UTP20: variants seen among roughly 807,000 people sequenced by gnomAD.
UTP20 encodes the protein UTP20 small subunit processome component, also known as small subunit processome component 20 homolog.
UTP20 carries 164 observed loss-of-function variants against 329.5 expected under a neutral mutation model. The observed-to-expected ratio is 0.50, with a 90% CI of 0.44 to 0.57. UTP20 has a LOEUF of 0.57. Among genes scored for constraint, UTP20 ranks in the 20% least tolerant of loss-of-function variants. The pLI is 0.00. For synonymous variants in UTP20, 1,151 were observed against 1,159.3 expected (o/e 0.99, Z 0.14); for missense variants, 3,055 against 3,284.2 (o/e 0.93, Z 1.71).
At chr12:101,306,328 T>C (rs1872640617) in intron 16 of UTP20, among the ~76,000 whole-genome samples, 2 of 152,200 alleles carry the variant, frequency 1.3e-5, no homozygotes, top group African/African-American at 4.8e-5. Flanking sequence ...AACATAGTTT[T>C]TTTTTTTAAG....
At chr12:101,332,718 A>G (rs1045141737) in intron 27 of UTP20, among the ~76,000 whole-genome samples, 1 of 152,214 alleles carries the variant, frequency 6.6e-6, no homozygotes, top group Non-Finnish European at 1.5e-5. Flanking sequence ...ACTCAGTCAC[A>G]TCATCCTCTT....
chr12:101,326,144 A>G (rs1868543954), intron 25 of UTP20, among the ~76,000 whole-genome samples: 1 of 152,180 alleles, frequency 6.6e-6, no homozygotes, highest in East Asian at 1.9e-4. Flanking sequence ...GATTATATTA[A>G]CTTTTACCAG....
chr12:101,321,005 T>C (rs1178264716), intron 24 of UTP20, 68 bp downstream of exon 24: 1 of 1,367,948 alleles, frequency 7.3e-7, no homozygotes. Flanking sequence ...CCTAAGAGCC[T>C]CTTCTAGAAT....
rs771907975 is a variant in UTP20, at chr12:101,365,542, T to A, written c.6042T>A (p.Asn2014Lys). 6.2e-7 allele frequency: 1 copy of A among 1,613,364 alleles called. No homozygotes were observed. The highest frequency in any genetic ancestry group is 8.5e-7 in the Non-Finnish European group (1 of 1,179,788). The part of the protein sequence containing the change: ...LRRITVGLIV[N>K]QEMTAESILL... ...GAATCACAGTGGGATTAATTGTAAA[T>A]CAGGAAATGACAGCTGAATCCATTC... is the stretch of plus-strand genomic sequence containing the variant. The change falls in exon 46 of 62, where the codon AAT becomes AAA. Residue 2014 changes from asparagine to lysine, a missense_variant. By Grantham distance (94) the Asn-to-Lys change is moderately conservative. This residue lies in a region of UTP20 where 2,445 missense variants were observed against 2,575.5 expected (regional missense o/e 0.95). Coordinates refer to ENST00000261637, the MANE Select transcript of UTP20 (RefSeq NM_014503.3).
At position 101,381,211 on chromosome 12, in the gene UTP20, G is replaced by C; in HGVS notation, c.7656G>C (p.Gln2552His). Reference protein sequence around the residue: ...SKFLDQSLGEQVVKNLLFAAK... With the variant: ...SKFLDQSLGEHVVKNLLFAAK... ...TCTTGGATCAGTCTCTAGGAGAACA[G>C]GTAAGAATTGTAGTTCTCCCAGTTT... Residue 2552 changes from glutamine to histidine, a missense_variant and splice_region_variant, in exon 58 of 62, where the codon CAG becomes CAC. This residue lies in a region of UTP20 where 337 missense variants were observed against 345.5 expected (regional missense o/e 0.98). Coordinates refer to ENST00000261637, the MANE Select transcript of UTP20 (RefSeq NM_014503.3). 6.2e-7 allele frequency: 1 copy of C among 1,611,894 alleles called. No individual in the cohort carries two copies. Among genetic ancestry groups the C allele is most frequent in the Non-Finnish European group, 8.5e-7 (1 of 1,177,956 alleles).
chr12:101,318,596 C>T (rs886839605), intron 22 of UTP20, among the ~76,000 whole-genome samples: 20 of 151,888 alleles, frequency 1.3e-4, no homozygotes, highest in African/African-American at 3.9e-4. Context: ...TTTGGGAGGC[C>T]GAGGTGGGTG....
intron 40 of UTP20, among the ~76,000 whole-genome samples, chr12:101,354,233 GC>G (rs1869634889): frequency 7.4e-6 from 1 of 135,016 alleles, no homozygotes; most frequent in Non-Finnish European, 1.5e-5. Context: ...CTGTACTCCA[GC>G]CTGGGTGACA....
intron 8 of UTP20, chr12:101,291,491 G>C (rs1872150498): frequency 9.4e-6 from 2 of 211,872 alleles, no homozygotes; most frequent in South Asian, 3.2e-4. Context: ...GGTGAGCAAA[G>C]ATTGCGCCAT....
At chr12:101,293,066 T>C in intron 10 of UTP20, 102 bp from the exon 11 acceptor site, 1 of 1,170,786 alleles carries the variant, frequency 8.5e-7, no homozygotes, top group Non-Finnish European at 1.3e-6. Context: ...GACAGAGCAC[T>C]GAGTGAAGTG....
rs758085666 is a variant in UTP20 at position 101,371,116 on chromosome 12, C to A, written c.6746C>A (p.Ser2249Tyr). Reference protein sequence around the residue: ...PEIDEVMRKVSKLAVSAQSEP... With the variant: ...PEIDEVMRKVYKLAVSAQSEP... ...ATCGATGAGGTCATGCGGAAAGTAT[C>A]CAAGTTGGCAGTCTCTGCACAAAGC... The change falls in exon 51 of 62, where the codon TCC becomes TAC. Residue 2249 changes from serine to tyrosine, a missense_variant. Ser to Tyr is a moderately radical substitution (Grantham distance 144). This residue lies in a region of UTP20 where 273 missense variants were observed against 363.1 expected (regional missense o/e 0.75). Coordinates refer to ENST00000261637, the MANE Select transcript of UTP20 (RefSeq NM_014503.3). The A allele has an allele frequency of 6.2e-7, 1 of 1,614,120 alleles. No homozygotes were observed. The highest frequency in any genetic ancestry group is 1.1e-5 in the South Asian group (1 of 91,068).
intron 20 of UTP20, 22 bp from the exon 21 acceptor site, chr12:101,312,014 A>T: frequency 6.2e-7 from 1 of 1,613,776 alleles, no homozygotes; most frequent in Non-Finnish European, 8.5e-7. Context: ...TCTGGTGGTT[A>T]TGACAACTTT....
chr12:101,302,978 CT>C (rs760972755), intron 15 of UTP20, among the ~76,000 whole-genome samples: 3 of 151,278 alleles, frequency 2.0e-5, no homozygotes, highest in Admixed American at 6.6e-5. Flanking sequence ...AATCCAGTTT[CT>C]TTTTTTTTGT....
rs375874181 is a variant in UTP20, at chr12:101,280,207, G to T, written c.-76G>T. ...AATCGGAGAGTATAGCCTGTGAGCCGCTTTCCCCTCCTTACTGTCGGTTGC... is the reference window on the plus strand; with the variant it reads ...AATCGGAGAGTATAGCCTGTGAGCCTCTTTCCCCTCCTTACTGTCGGTTGC... On this transcript the variant is annotated 5_prime_UTR_variant, in exon 1 of 62. Transcript: ENST00000261637. The T allele has an allele frequency of 6.5e-7, 1 of 1,533,544 alleles. No homozygotes were observed. Among genetic ancestry groups the T allele is most frequent in the African/African-American group, 1.4e-5 (1 of 72,700 alleles). 95.0% of individuals were successfully genotyped at this position (1,533,544 alleles called of 1,614,324 possible).
chr12:101,295,574 T>C lies in UTP20; in HGVS notation c.1346T>C (p.Leu449Pro). The change falls in exon 12 of 62, where the codon CTC becomes CCC. Residue 449 changes from leucine (L) to proline (P), a missense_variant. By Grantham distance (98) the Leu-to-Pro change is moderately conservative. This residue lies in a region of UTP20 where 2,445 missense variants were observed against 2,575.5 expected (regional missense o/e 0.95). Coordinates refer to ENST00000261637, the MANE Select transcript of UTP20 (RefSeq NM_014503.3). Reference sequence around the variant, plus strand: ...GAAGCTCTGGCCATTCTGGCCAAGCTCATTCTGAACAAAGCAGCACCTCCC... The same window carrying C: ...GAAGCTCTGGCCATTCTGGCCAAGCCCATTCTGAACAAAGCAGCACCTCCC... ...KDEALAILAK[L>P]ILNKAAPPTA... 1 of 1,613,764 alleles carries C rather than the reference T, an allele frequency of 6.2e-7. No homozygotes were observed. Among genetic ancestry groups the C allele is most frequent in the Non-Finnish European group, 8.5e-7 (1 of 1,179,926 alleles).
chr12:101,292,906 C>G lies in UTP20; in HGVS notation c.1174-262C>G, dbSNP rs561956502. Among the ~76,000 whole-genome samples the G allele has an allele frequency of 3.9e-5, 6 of 152,308 alleles. No individual in the cohort carries two copies. The South Asian group carries it at 1.2e-3, about 32-fold the overall frequency. ...TAGCTTAATGGAGCACAGTAGTACA[C>G]TTTGAGGGAAGATATACAATCATGC... On this transcript the variant is annotated intron_variant, in intron 10 of 61. Transcript: ENST00000261637.
chr12:101,292,769 C>T (rs1441284170), intron 10 of UTP20, among the ~76,000 whole-genome samples: 3 of 152,080 alleles, frequency 2.0e-5, no homozygotes, highest in Non-Finnish European at 4.4e-5. Flanking sequence ...TTTTATCCTG[C>T]ATTAGTGGAG....
rs1870699694 is a variant in UTP20, at chr12:101,383,019, C to G, written c.7657-22C>G. The G allele has an allele frequency of 3.2e-6, 5 of 1,574,734 alleles. No homozygotes were observed. In the East Asian group the frequency reaches 9.0e-5, roughly 28 times the overall value. On this transcript the variant is annotated intron_variant, in intron 58 of 61. Transcript: ENST00000261637. Reference sequence around the variant, plus strand: ...TCAAAATCAATGTCCAATTTCTTCCCCCACCCCGTTTTTTTTTAAAGGTTG... The same window carrying G: ...TCAAAATCAATGTCCAATTTCTTCCGCCACCCCGTTTTTTTTTAAAGGTTG...
chr12:101,371,115 T>C lies in UTP20; in HGVS notation c.6745T>C (p.Ser2249Pro), dbSNP rs1348552915. Residue 2249 changes from serine to proline, a missense_variant, in exon 51 of 62, where the codon TCC becomes CCC. Around this residue, in one of 3 missense-constraint regions of UTP20, gnomAD observed 273 missense variants for 363.1 expected, o/e 0.75. Coordinates refer to ENST00000261637, the MANE Select transcript of UTP20 (RefSeq NM_014503.3). ...AATCGATGAGGTCATGCGGAAAGTA[T>C]CCAAGTTGGCAGTCTCTGCACAAAG... ...PEIDEVMRKV[S>P]KLAVSAQSEP... 3.1e-6 allele frequency: 5 copies of C among 1,614,034 alleles called. No homozygotes were observed. The Admixed American group carries it at 6.7e-5, about 22-fold the overall frequency.
intron 5 of UTP20, among the ~76,000 whole-genome samples, chr12:101,288,441 A>G (rs1472066199): frequency 6.6e-6 from 1 of 152,220 alleles, no homozygotes; most frequent in Non-Finnish European, 1.5e-5. Flanking sequence ...GGAGGATTAT[A>G]ATAGTACCCA....
Sources: allele counts gnomAD v4.1 joint callset (sites outside exome capture counted in the v4.1 genomes callset), GRCh38; gene constraint gnomAD v4.1.1; regional missense constraint gnomAD v4.1.1; transcripts MANE v1.5; gene names NCBI Gene and HGNC (gene_info 2026-07-23, HGNC 2026-07-21).